Variants in EIF5B observed in about 807,000 individuals in gnomAD.
The protein encoded by EIF5B is eIF-5B.
EIF5B carries 47 observed loss-of-function variants against 147.5 expected under a neutral mutation model. The observed-to-expected ratio is 0.32, with a 90% CI of 0.25 to 0.41. EIF5B has a LOEUF of 0.41. EIF5B is among the 10% of genes least tolerant of loss of function. The pLI is 1.00. For missense variants in EIF5B, 1,064 were observed against 1,413.2 expected (o/e 0.75, Z 3.96); for synonymous variants, 455 against 456.2 (o/e 1.00, Z 0.03).
intron 3 of EIF5B, 54 bp from the exon 4 acceptor site, chr2:99,361,094 C>A: frequency 7.2e-7 from 1 of 1,397,422 alleles, no homozygotes; most frequent in Non-Finnish European, 9.5e-7. Context: ...AAGCACATGA[C>A]TCTGGTCTCA....
intron 17 of EIF5B, 68 bp downstream of exon 17, chr2:99,390,773 T>G: frequency 6.7e-7 from 1 of 1,483,876 alleles, no homozygotes; most frequent in Non-Finnish European, 9.1e-7. Flanking sequence ...GCTGAGATGG[T>G]TTCCTCACTT....
At chr2:99,392,157 T>G (rs964821391) in intron 17 of EIF5B, among the ~76,000 whole-genome samples, 1 of 152,064 alleles carries the variant, frequency 6.6e-6, no homozygotes, top group Non-Finnish European at 1.5e-5. Context: ...TTTTTATGTT[T>G]ATTTTATTTT....
chr2:99,344,442 G>GT (rs70940168), intron 1 of EIF5B, among the ~76,000 whole-genome samples: 2,074 of 139,130 alleles, frequency 0.015, 49 homozygotes, highest in African/African-American at 0.049. Flanking sequence ...TTGTTTCTGG[G>GT]TTTTTTTTTT....
chr2:99,359,786 T>A (rs1289102514), intron 1 of EIF5B, among the ~76,000 whole-genome samples: 1 of 152,252 alleles, frequency 6.6e-6, no homozygotes, highest in Non-Finnish European at 1.5e-5. Flanking sequence ...GCTAGGTGAC[T>A]GATCTCTAAA....
intron 1 of EIF5B, among the ~76,000 whole-genome samples, chr2:99,352,922 TGTC>T (rs1301513767): frequency 1.3e-5 from 2 of 151,316 alleles, no homozygotes; most frequent in Non-Finnish European, 2.9e-5. Flanking sequence ...TCTCCTGGGC[TGTC>T]AATCCTCTCA....
At chr2:99,389,662 A>G in intron 14 of EIF5B, 56 bp from the exon 15 acceptor site, 1 of 1,517,398 alleles carries the variant, frequency 6.6e-7, no homozygotes. Flanking sequence ...CTATTAATAC[A>G]GTTCTTGAAT....
At chr2:99,378,064 T>C (rs1389144111) in intron 10 of EIF5B, among the ~76,000 whole-genome samples, 2 of 152,216 alleles carry the variant, frequency 1.3e-5, no homozygotes, top group Admixed American at 1.3e-4. Context: ...ACTGTGAGGT[T>C]GTCGGGTACT....
At chr2:99,367,158 A>G (rs956291864) in intron 6 of EIF5B, among the ~76,000 whole-genome samples, 4 of 152,234 alleles carry the variant, frequency 2.6e-5, no homozygotes, top group African/African-American at 9.6e-5. Flanking sequence ...AGGAAAAAAG[A>G]TACATTTTGA....
chr2:99,370,866 T>G (rs1436665885), intron 8 of EIF5B, among the ~76,000 whole-genome samples: 1 of 152,218 alleles, frequency 6.6e-6, no homozygotes, highest in Non-Finnish European at 1.5e-5. Flanking sequence ...GAGCACAGCA[T>G]TGACCCAGAG....
intron 5 of EIF5B, 52 bp downstream of exon 5, chr2:99,363,914 A>G (rs774290174): frequency 1.8e-5 from 27 of 1,529,188 alleles, no homozygotes; most frequent in African/African-American, 4.2e-5. Flanking sequence ...CTTAAAATCT[A>G]TTCTCTGTAA....
At chr2:99,391,674 T>C (rs559831706) in intron 17 of EIF5B, among the ~76,000 whole-genome samples, 20 of 152,248 alleles carry the variant, frequency 1.3e-4, no homozygotes, top group Admixed American at 1.3e-4. Flanking sequence ...TAGAAGTGTC[T>C]GTAGACTTTA....
intron 17 of EIF5B, among the ~76,000 whole-genome samples, chr2:99,392,369 T>A (rs1674956688): frequency 6.6e-6 from 1 of 152,168 alleles, no homozygotes; most frequent in Admixed American, 6.5e-5. Flanking sequence ...TTACTAATAA[T>A]GCTGCTGCTG....
At chr2:99,381,961 T>A (rs1223107871) in intron 12 of EIF5B, among the ~76,000 whole-genome samples, 198 bp from the exon 13 acceptor site, 1 of 152,162 alleles carries the variant, frequency 6.6e-6, no homozygotes, top group Non-Finnish European at 1.5e-5. Flanking sequence ...CATTTAGTAT[T>A]TTTTTGTTAA....
chr2:99,344,404 T>TTGGTTG (rs1553532794), intron 1 of EIF5B, among the ~76,000 whole-genome samples: 1 of 149,414 alleles, frequency 6.7e-6, no homozygotes, highest in Non-Finnish European at 1.5e-5. Flanking sequence ...GCCACCACAG[T>TTGGTTG]TTGTTGTTGT....
chr2:99,394,460 G>A (rs904795033), intron 19 of EIF5B, 49 bp from the exon 20 acceptor site: 5 of 1,613,272 alleles, frequency 3.1e-6, no homozygotes, highest in African/African-American at 1.3e-5. Flanking sequence ...TGGTGCCATC[G>A]CCATTACCTG....
At chr2:99,367,945 T>C (rs1001723655) in intron 6 of EIF5B, among the ~76,000 whole-genome samples, 5 of 152,314 alleles carry the variant, frequency 3.3e-5, no homozygotes, top group Non-Finnish European at 7.4e-5. Context: ...TTATTCATAA[T>C]TGCAAAAAAC....
Position 99,399,652 on chromosome 2 carries a change from C to T in EIF5B, c.*238C>T, listed in dbSNP as rs1408183005. On this transcript the variant is annotated 3_prime_UTR_variant, in exon 24 of 24. Coordinates refer to ENST00000289371, the MANE Select transcript of EIF5B (RefSeq NM_015904.4). ...GTGCCTGTTCACTCACCTCTCCCTT[C>T]CCCAACCCTTCTCTACTTGGCTGCT... The T allele has an allele frequency of 2.3e-6, 1 of 431,236 alleles. No homozygotes were observed. The highest frequency in any genetic ancestry group is 4.3e-6 in the Non-Finnish European group (1 of 233,474). 26.7% of individuals were successfully genotyped at this position (431,236 alleles called of 1,614,324 possible).
At position 99,379,258 on chromosome 2, in the gene EIF5B, A is replaced by G. The variant is rs747453372; in HGVS notation, c.1951-60A>G. 5.2e-4 allele frequency: 783 copies of G among 1,496,320 alleles called. 10 individuals are homozygous for G. The highest frequency in any genetic ancestry group is 1.7e-4 in the Middle Eastern group (1 of 5,764). 92.7% of individuals were successfully genotyped at this position (1,496,320 alleles called of 1,614,324 possible). ...ATAAATAAGTTGCTAATTTCTTATT[A>G]TTTTTGCTGCTATCTTTTCCATGTT... is the stretch of plus-strand genomic sequence containing the variant. On this transcript the variant is annotated intron_variant, in intron 11 of 23. Coordinates refer to ENST00000289371, the MANE Select transcript of EIF5B (RefSeq NM_015904.4).
At chr2:99,365,246 T>G (rs1024283179) in intron 6 of EIF5B, among the ~76,000 whole-genome samples, 1 of 152,158 alleles carries the variant, frequency 6.6e-6, no homozygotes, top group Non-Finnish European at 1.5e-5. Flanking sequence ...CATTGTCTAT[T>G]TTTCCCTCAT....
Sources: allele counts gnomAD v4.1 joint callset (sites outside exome capture counted in the v4.1 genomes callset), GRCh38; gene constraint gnomAD v4.1.1; transcripts MANE v1.5; gene names NCBI Gene and HGNC (gene_info 2026-07-23, HGNC 2026-07-21).